Variants in PRKDC observed in about 807,000 individuals in gnomAD.
PRKDC encodes protein kinase, DNA-activated, catalytic subunit.
Under a neutral mutation model 486.9 loss-of-function variants are expected in PRKDC, and 82 were observed. That is an observed-to-expected ratio of 0.17 (90% confidence interval 0.14 to 0.20). The LOEUF (loss-of-function observed/expected upper bound fraction) is 0.20. Among genes scored for constraint, PRKDC ranks in the 10% least tolerant of loss-of-function variants. The pLI is 1.00. For synonymous variants in PRKDC, 1,895 were observed against 1,837.0 expected (o/e 1.03, Z -0.81); for missense variants, 4,504 against 5,038.2 (o/e 0.89, Z 3.21).
At chr8:47,921,373 A>C (rs1449632523) in intron 21 of PRKDC, among the ~76,000 whole-genome samples, 1 of 152,240 alleles carries the variant, frequency 6.6e-6, no homozygotes, top group East Asian at 1.9e-4. Flanking sequence ...GCCAACTGGA[A>C]GATAATCTCT....
chr8:47,863,635 T>C (rs1399187112), intron 41 of PRKDC, 58 bp from the exon 42 acceptor site: 6 of 1,372,232 alleles, frequency 4.4e-6, no homozygotes, highest in Non-Finnish European at 6.1e-6. Flanking sequence ...ATACATCTTA[T>C]AGAATATATC....
At chr8:47,793,626 C>CA (rs1242428599) in intron 74 of PRKDC, among the ~76,000 whole-genome samples, 2,228 of 59,788 alleles carry the variant, frequency 0.037, 29 homozygotes, top group Non-Finnish European at 0.048. Flanking sequence ...TACTCTGTCT[C>CA]AAAAAAAAAA....
chr8:47,794,731 G>A (rs1438764579), intron 73 of PRKDC, among the ~76,000 whole-genome samples: 2 of 152,182 alleles, frequency 1.3e-5, no homozygotes, highest in Non-Finnish European at 2.9e-5. Flanking sequence ...CGAGACAGCT[G>A]CTGCTGGTTG....
intron 1 of PRKDC, chr8:47,959,255 A>G (rs1434473559): frequency 1.3e-5 from 2 of 152,254 alleles, no homozygotes; most frequent in African/African-American, 4.8e-5. Flanking sequence ...GTTCCCACCC[A>G]GGCATTGCTA....
chr8:47,938,197 G>A (rs1030969737), intron 11 of PRKDC, among the ~76,000 whole-genome samples: 3 of 151,784 alleles, frequency 2.0e-5, no homozygotes, highest in Non-Finnish European at 2.9e-5. Flanking sequence ...ACCTGAGGTC[G>A]GGAGTTCGGG....
intron 56 of PRKDC, among the ~76,000 whole-genome samples, chr8:47,838,653 T>C (rs1191321097): frequency 6.6e-6 from 1 of 152,192 alleles, no homozygotes; most frequent in Non-Finnish European, 1.5e-5. Flanking sequence ...CCTCTTCTTA[T>C]ATAATCAGTA....
chr8:47,937,660 C>T (rs1589805709), intron 11 of PRKDC, among the ~76,000 whole-genome samples: 1 of 152,218 alleles, frequency 6.6e-6, no homozygotes, highest in South Asian at 2.1e-4. Context: ...CCTCTCCTGC[C>T]TATCATGCTC....
chr8:47,784,654 T>C (rs1229779991), intron 77 of PRKDC, among the ~76,000 whole-genome samples: 1 of 152,064 alleles, frequency 6.6e-6, no homozygotes, highest in Non-Finnish European at 1.5e-5. Flanking sequence ...CTATCCTTAA[T>C]ATTATGATCT....
chr8:47,842,768 G>A (rs1194671570), intron 54 of PRKDC, among the ~76,000 whole-genome samples: 1 of 152,202 alleles, frequency 6.6e-6, no homozygotes, highest in African/African-American at 2.4e-5. Context: ...ATAGAATTCA[G>A]AATCCGGATG....
intron 74 of PRKDC, among the ~76,000 whole-genome samples, chr8:47,791,695 C>G (rs1414581707): frequency 6.6e-6 from 1 of 152,084 alleles, no homozygotes; most frequent in Non-Finnish European, 1.5e-5. Context: ...ATCTCACCCC[C>G]AGCAATAACG....
chr8:47,784,018 G>A, intron 77 of PRKDC: 1 of 531,526 alleles, frequency 1.9e-6, no homozygotes, highest in Non-Finnish European at 3.4e-6. Context: ...CAGCACTTTG[G>A]GAGGCCAAGG....
At chr8:47,777,507 C>A (rs1040770333) in intron 84 of PRKDC, among the ~76,000 whole-genome samples, 179 bp downstream of exon 84, 2 of 152,172 alleles carry the variant, frequency 1.3e-5, no homozygotes, top group Admixed American at 1.3e-4. Flanking sequence ...CTGGGCCCAG[C>A]CTCTTAACTG....
intron 59 of PRKDC, among the ~76,000 whole-genome samples, chr8:47,833,396 T>C (rs778414576): frequency 3.9e-5 from 6 of 152,134 alleles, no homozygotes; most frequent in Non-Finnish European, 7.4e-5. Flanking sequence ...TCTCTGCACA[T>C]GTCCTTCCTC....
chr8:47,853,650 G>T (rs969631661), intron 51 of PRKDC, among the ~76,000 whole-genome samples: 10 of 152,142 alleles, frequency 6.6e-5, no homozygotes, highest in African/African-American at 2.4e-4. Context: ...CTTCCGAGGG[G>T]CCTGCATTAC....
At chr8:47,923,629 GT>G (rs2090109605) in intron 21 of PRKDC, among the ~76,000 whole-genome samples, 1 of 152,230 alleles carries the variant, frequency 6.6e-6, no homozygotes, top group Non-Finnish European at 1.5e-5. Context: ...ATTAGTACGT[GT>G]TTGGCTGAGG....
chr8:47,852,600 T>C (rs1299140743), intron 52 of PRKDC, 73 bp downstream of exon 52: 34 of 889,844 alleles, frequency 3.8e-5, no homozygotes, highest in Non-Finnish European at 5.2e-5. Flanking sequence ...GAAATAAACA[T>C]ATAAGTATCA....
chr8:47,958,961 C>T lies in PRKDC; in HGVS notation c.154+1012G>A, dbSNP rs2090761057. On this transcript the variant is annotated intron_variant, in intron 1 of 85. Transcript: ENST00000314191. ...ATACTGGTCAGGTTGGTCTCCATCT[C>T]CTGACCTCAGGTGATCCAGCTGCCA... 3.9e-5 allele frequency among the ~76,000 whole-genome samples: 6 copies of T among 152,286 alleles called. No individual in the cohort carries two copies. In the South Asian group the frequency reaches 1.2e-3, roughly 32 times the overall value.
intron 7 of PRKDC, among the ~76,000 whole-genome samples, chr8:47,945,581 T>C (rs572737502): frequency 6.6e-5 from 10 of 152,364 alleles, no homozygotes; most frequent in Admixed American, 5.2e-4. Context: ...TGTCAGACTT[T>C]CCTGCCTTTT....
At chr8:47,790,045 T>C (rs1307890628) in intron 74 of PRKDC, among the ~76,000 whole-genome samples, 1 of 152,182 alleles carries the variant, frequency 6.6e-6, no homozygotes, top group Non-Finnish European at 1.5e-5. Flanking sequence ...CACATACTAC[T>C]GGGAGTCTTA....
Sources: gnomAD v4.1 joint callset for allele counts (sites outside exome capture counted in the v4.1 genomes callset) on GRCh38, gnomAD v4.1.1 for gene constraint, MANE v1.5 for transcripts, NCBI Gene and HGNC (gene_info 2026-07-23, HGNC 2026-07-21) for gene names.